The following LRRIQ3 variants were observed in gnomAD, a reference collection of about 807,000 sequenced individuals.
LRRIQ3 encodes leucine rich repeats and IQ motif containing 3.
LRRIQ3 carries 75 observed loss-of-function variants against 59.3 expected under a neutral mutation model. The ratio of observed to expected loss-of-function variants is 1.26; its 90% CI spans 1.05 to 1.53. The LOEUF is 1.53. Among genes scored for constraint, LRRIQ3 ranks in the 40% most tolerant of loss-of-function variants. The probability of loss-of-function intolerance (pLI) is 0.00; values close to 1 mark genes in which losing one functional copy is unlikely to be tolerated. For missense variants in LRRIQ3, 831 were observed against 710.0 expected, an observed-to-expected ratio of 1.17 and a Z score of -1.94; for synonymous variants, 250 against 231.3, an observed-to-expected ratio of 1.08 and a Z score of -0.73.
intron 6 of LRRIQ3, among the ~76,000 whole-genome samples, chr1:74,057,579 A>G (rs1654574516): frequency 6.6e-6 from 1 of 152,170 alleles, no homozygotes; most frequent in East Asian, 1.9e-4. Context: ...ATCTCTCACC[A>G]TATAAAAAAT....
chr1:74,032,638 G>A (rs1032176629), intron 7 of LRRIQ3, among the ~76,000 whole-genome samples: 10 of 152,014 alleles, frequency 6.6e-5, no homozygotes, highest in African/African-American at 1.7e-4. Context: ...TACATTGGGC[G>A]CATCTGGATA....
chr1:74,184,203 A>G (rs147125843), intron 1 of LRRIQ3, among the ~76,000 whole-genome samples: 166 of 152,214 alleles, frequency 1.1e-3, no homozygotes, highest in African/African-American at 3.8e-3. Flanking sequence ...TTTGTGTCTT[A>G]CAGAGAAAAT....
intron 4 of LRRIQ3, among the ~76,000 whole-genome samples, chr1:74,140,695 G>T (rs1647221724): frequency 6.6e-6 from 1 of 151,706 alleles, no homozygotes; most frequent in Non-Finnish European, 1.5e-5. Flanking sequence ...AATCATATAG[G>T]ACAGGATTTC....
chr1:74,042,154 A>G (rs571118731), intron 6 of LRRIQ3, among the ~76,000 whole-genome samples: 101 of 152,204 alleles, frequency 6.6e-4, no homozygotes, highest in African/African-American at 2.4e-3. Context: ...TAATTCTTAT[A>G]TTTTCTGTAT....
At chr1:74,067,078 T>G (rs1221299144) in intron 6 of LRRIQ3, among the ~76,000 whole-genome samples, 1 of 152,102 alleles carries the variant, frequency 6.6e-6, no homozygotes, top group Non-Finnish European at 1.5e-5. Context: ...TCACCAAAGA[T>G]CCTTTGATCC....
chr1:74,165,964 CT>C (rs1443199091), intron 3 of LRRIQ3, among the ~76,000 whole-genome samples: 1 of 151,528 alleles, frequency 6.6e-6, no homozygotes, highest in Admixed American at 6.6e-5. Context: ...ATTGTATTCG[CT>C]AATATTTTTA....
intron 4 of LRRIQ3, among the ~76,000 whole-genome samples, chr1:74,130,440 G>T (rs1646996928): frequency 6.6e-6 from 1 of 152,098 alleles, no homozygotes; most frequent in South Asian, 2.1e-4. Flanking sequence ...TCTCTCCCAA[G>T]TGCAGATTCT....
intron 7 of LRRIQ3, among the ~76,000 whole-genome samples, chr1:74,028,472 T>C (rs1287321436): frequency 6.6e-6 from 1 of 151,994 alleles, no homozygotes; most frequent in African/African-American, 2.4e-5. Flanking sequence ...GGATGGATAA[T>C]AGTGGCCTTC....
At chr1:74,058,414 G>A (rs1395637562) in intron 6 of LRRIQ3, among the ~76,000 whole-genome samples, 2 of 151,712 alleles carry the variant, frequency 1.3e-5, no homozygotes, top group East Asian at 1.9e-4. Flanking sequence ...CTTGTCATTC[G>A]CTACAACATG....
intron 6 of LRRIQ3, among the ~76,000 whole-genome samples, chr1:74,048,272 C>A (rs1333135574): frequency 6.6e-6 from 1 of 152,114 alleles, no homozygotes; most frequent in Non-Finnish European, 1.5e-5. Context: ...ACATTGATCA[C>A]CCTGGGATGG....
intron 5 of LRRIQ3, among the ~76,000 whole-genome samples, chr1:74,086,005 G>A (rs981740595): frequency 3.3e-5 from 5 of 151,880 alleles, no homozygotes; most frequent in Admixed American, 6.6e-5. Context: ...TCCATCCTTC[G>A]GAGCTACTAA....
intron 3 of LRRIQ3, among the ~76,000 whole-genome samples, chr1:74,164,154 T>G (rs1390903184): frequency 6.6e-6 from 1 of 151,096 alleles, no homozygotes; most frequent in African/African-American, 2.4e-5. Flanking sequence ...GGCTTGAGAG[T>G]TGTATACATT....
chr1:74,145,666 A>G (rs1032084), intron 4 of LRRIQ3, among the ~76,000 whole-genome samples: 129,169 of 151,996 alleles, frequency 0.85, 55,752 homozygotes, highest in East Asian at 0.97. Flanking sequence ...TTTGAAAAGA[A>G]TTTTGTAAAA....
Position 74,075,502 on chromosome 1 carries a change from C to T in LRRIQ3, c.868-712G>A, listed in dbSNP as rs187993779. ...GGATTACTTGAACCCAGCAGGCGGACATTGCAGTGAGCCAAGATTGCACCA... is the reference window on the plus strand; with the variant it reads ...GGATTACTTGAACCCAGCAGGCGGATATTGCAGTGAGCCAAGATTGCACCA... On this transcript the variant is annotated intron_variant, in intron 5 of 7. Coordinates refer to ENST00000354431, the MANE Select transcript of LRRIQ3 (RefSeq NM_001105659.2). 2.7e-3 allele frequency among the ~76,000 whole-genome samples: 415 copies of T among 151,342 alleles called. 1 individual carries two copies. The highest frequency in any genetic ancestry group is 9.5e-3 in the African/African-American group (391 of 41,248).
At chr1:74,107,677 CAGA>C (rs1342271188) in intron 5 of LRRIQ3, among the ~76,000 whole-genome samples, 2 of 150,084 alleles carry the variant, frequency 1.3e-5, no homozygotes, top group African/African-American at 4.9e-5. Context: ...ATGAAGCCAG[CAGA>C]AGATTGAAGG....
intron 6 of LRRIQ3, among the ~76,000 whole-genome samples, chr1:74,056,065 A>C (rs1266290371): frequency 6.6e-6 from 1 of 151,632 alleles, no homozygotes; most frequent in Non-Finnish European, 1.5e-5. Context: ...GAATTGCTCC[A>C]AGTCGGGAGG....
At chr1:74,192,829 A>G (rs1384900499) in intron 1 of LRRIQ3, among the ~76,000 whole-genome samples, 1 of 152,164 alleles carries the variant, frequency 6.6e-6, no homozygotes, top group Non-Finnish European at 1.5e-5. Flanking sequence ...TCAGCTACAT[A>G]TTCTGTCGAA....
At position 74,069,308 on chromosome 1, in the gene LRRIQ3, T is replaced by C. The variant is rs183824613; in HGVS notation, c.997+5353A>G. Among the ~76,000 whole-genome samples, 448 of 152,126 alleles carry C rather than the reference T, an allele frequency of 2.9e-3. 1 individual carries two copies. Among genetic ancestry groups the C allele is most frequent in the African/African-American group, 0.01 (422 of 41,562 alleles). On this transcript the variant is annotated intron_variant, in intron 6 of 7. Transcript: ENST00000354431. ...AAAATCACTAACAGAACACACACTT[T>C]TAAGGTTTCAATTTCAGTCTTGTAT... is the stretch of plus-strand genomic sequence containing the variant.
chr1:74,042,833 T>C (rs1654087614), intron 6 of LRRIQ3, among the ~76,000 whole-genome samples: 1 of 152,122 alleles, frequency 6.6e-6, no homozygotes. Flanking sequence ...AATTGTTATG[T>C]GTTATTCCTT....
Sources: gnomAD v4.1 joint callset for allele counts (sites outside exome capture counted in the v4.1 genomes callset) on GRCh38, gnomAD v4.1.1 for gene constraint, MANE v1.5 for transcripts, NCBI Gene and HGNC (gene_info 2026-07-23, HGNC 2026-07-21) for gene names.